The following SLC49A4 variants were observed in gnomAD, a reference collection of about 807,000 sequenced individuals.
SLC49A4 encodes disrupted in renal cancer protein 2.
A neutral mutation model predicts 50.6 loss-of-function variants in SLC49A4; 36 were observed. The ratio of observed to expected loss-of-function variants is 0.71; its 90% CI spans 0.55 to 0.94. The LOEUF (loss-of-function observed/expected upper bound fraction) is 0.94, where lower values mean the gene tolerates loss of function less well. Ranked by LOEUF, SLC49A4 falls within the 40% of genes least tolerant of loss-of-function variation. The pLI is 0.00. For synonymous variants in SLC49A4, 248 were observed against 241.2 expected, an observed-to-expected ratio of 1.03 and a Z score of -0.26; for missense variants, 503 against 605.7, an observed-to-expected ratio of 0.83 and a Z score of 1.78.
chr3:122,830,124 G>A (rs1354985000), intron 3 of SLC49A4, among the ~76,000 whole-genome samples: 1 of 152,164 alleles, frequency 6.6e-6, no homozygotes, highest in Non-Finnish European at 1.5e-5. Context: ...CTTAACAAAT[G>A]AAGTGCAGAA....
At chr3:122,877,645 C>G in intron 8 of SLC49A4, among the ~76,000 whole-genome samples, 1 of 152,176 alleles carries the variant, frequency 6.6e-6, no homozygotes, top group East Asian at 1.9e-4. Flanking sequence ...TTTTTTTTAT[C>G]TGTTGCTTAA....
intron 6 of SLC49A4, among the ~76,000 whole-genome samples, chr3:122,857,116 A>T (rs1936998939): frequency 6.6e-6 from 1 of 152,072 alleles, no homozygotes; most frequent in Non-Finnish European, 1.5e-5. Flanking sequence ...ATTAGCAGAC[A>T]TTATTTATTT....
intron 4 of SLC49A4, among the ~76,000 whole-genome samples, chr3:122,841,695 C>T (rs1443087060): frequency 6.6e-6 from 1 of 152,178 alleles, no homozygotes; most frequent in Non-Finnish European, 1.5e-5. Context: ...CTTTGGTTTA[C>T]AGCCAACTAA....
chr3:122,833,593 G>T (rs1936636899), intron 4 of SLC49A4, 147 bp downstream of exon 4: 2 of 747,122 alleles, frequency 2.7e-6, no homozygotes, highest in South Asian at 7.8e-5. Context: ...GAATATTTTA[G>T]ATTTCCTACC....
intron 1 of SLC49A4, 49 bp downstream of exon 1, chr3:122,795,584 G>A (rs1416617214): frequency 1.3e-6 from 2 of 1,545,640 alleles, no homozygotes; most frequent in Non-Finnish European, 1.7e-6. Context: ...TCCGGGAGCA[G>A]GCGCCTGCCC....
chr3:122,831,737 G>A (rs1022334272), intron 3 of SLC49A4, among the ~76,000 whole-genome samples: 1 of 152,036 alleles, frequency 6.6e-6, no homozygotes, highest in Non-Finnish European at 1.5e-5. Flanking sequence ...CTTTAAATGT[G>A]TGCATTGTAT....
At chr3:122,866,406 C>T (rs1937121405) in intron 7 of SLC49A4, among the ~76,000 whole-genome samples, 1 of 152,072 alleles carries the variant, frequency 6.6e-6, no homozygotes, top group African/African-American at 2.4e-5. Flanking sequence ...TGTTATTCAT[C>T]TACTTAAATG....
At position 122,835,358 on chromosome 3, in the gene SLC49A4, G is replaced by A. The variant is rs74862468; in HGVS notation, c.833+1912G>A. 4.3e-3 allele frequency among the ~76,000 whole-genome samples: 649 copies of A among 152,232 alleles called. 3 individuals carry two copies. Among genetic ancestry groups the A allele is most frequent in the Non-Finnish European group, 7.2e-3 (489 of 68,004 alleles). On this transcript the variant is annotated intron_variant, in intron 4 of 8. Coordinates refer to ENST00000261038, the MANE Select transcript of SLC49A4 (RefSeq NM_032839.3). ...CAGGCCAATAGCCTTGATGATCATAGATACAAAAATCCTTAATAAAAACAC... is the reference window on the plus strand; with the variant it reads ...CAGGCCAATAGCCTTGATGATCATAAATACAAAAATCCTTAATAAAAACAC...
chr3:122,873,956 C>T (rs965922971), intron 8 of SLC49A4, among the ~76,000 whole-genome samples: 1 of 152,278 alleles, frequency 6.6e-6, no homozygotes, highest in Middle Eastern at 3.4e-3. Flanking sequence ...GTTTTCCAGC[C>T]GATGGGCACA....
chr3:122,862,946 G>A (rs1000618885), intron 7 of SLC49A4, among the ~76,000 whole-genome samples: 1 of 152,098 alleles, frequency 6.6e-6, no homozygotes, highest in Non-Finnish European at 1.5e-5. Context: ...TAAAATTGAT[G>A]TGATTGACCC....
intron 4 of SLC49A4, among the ~76,000 whole-genome samples, chr3:122,839,297 A>G (rs1415899923): frequency 3.9e-5 from 6 of 152,174 alleles, no homozygotes; most frequent in African/African-American, 7.2e-5. Context: ...ATTCTAGAAG[A>G]TAATGTTGGA....
At chr3:122,839,019 T>C (rs1426868623) in intron 4 of SLC49A4, among the ~76,000 whole-genome samples, 1 of 152,130 alleles carries the variant, frequency 6.6e-6, no homozygotes, top group African/African-American at 2.4e-5. Flanking sequence ...TAAAACAGCA[T>C]GGTACTGGTA....
intron 3 of SLC49A4, among the ~76,000 whole-genome samples, chr3:122,833,102 A>G (rs913133439): frequency 6.6e-6 from 1 of 152,072 alleles, no homozygotes; most frequent in African/African-American, 2.4e-5. Flanking sequence ...TTAGCCTGGT[A>G]TGGTGGCATG....
At chr3:122,846,037 T>A (rs1026921381) in intron 5 of SLC49A4, among the ~76,000 whole-genome samples, 166 bp downstream of exon 5, 4 of 152,252 alleles carry the variant, frequency 2.6e-5, no homozygotes, top group Non-Finnish European at 5.9e-5. Flanking sequence ...TAATGTTGAT[T>A]TTCCTCCTTG....
chr3:122,821,102 C>T (rs13067359), intron 2 of SLC49A4, among the ~76,000 whole-genome samples: 1,782 of 152,310 alleles, frequency 0.012, 55 homozygotes, highest in Admixed American at 0.065. Context: ...TCTTGCCTGC[C>T]GCCATGTAAG....
intron 3 of SLC49A4, among the ~76,000 whole-genome samples, chr3:122,827,353 A>G (rs535793137): frequency 2.6e-5 from 4 of 152,286 alleles, no homozygotes; most frequent in East Asian, 3.9e-4. Context: ...CACATTTTCT[A>G]TGTCCTCTCT....
intron 2 of SLC49A4, among the ~76,000 whole-genome samples, chr3:122,811,792 G>A (rs761991733): frequency 1.3e-5 from 2 of 152,084 alleles, no homozygotes; most frequent in African/African-American, 2.4e-5. Context: ...TTAGTTAAAA[G>A]GCAAACTTTA....
chr3:122,796,774 T>C (rs1309333091), intron 1 of SLC49A4, among the ~76,000 whole-genome samples: 1 of 152,070 alleles, frequency 6.6e-6, no homozygotes, highest in African/African-American at 2.4e-5. Flanking sequence ...TCCCAGCACG[T>C]TGGGAGGCTG....
intron 3 of SLC49A4, among the ~76,000 whole-genome samples, chr3:122,831,345 G>A (rs974501102): frequency 3.3e-5 from 5 of 151,992 alleles, no homozygotes; most frequent in Non-Finnish European, 5.9e-5. Flanking sequence ...TTATAATAGC[G>A]AAAAAGTGGA....
Sources: allele counts gnomAD v4.1 joint callset (sites outside exome capture counted in the v4.1 genomes callset), GRCh38; gene constraint gnomAD v4.1.1; transcripts MANE v1.5; gene names NCBI Gene and HGNC (gene_info 2026-07-23, HGNC 2026-07-21).